Variants in ROR2 observed in about 807,000 individuals in gnomAD.
ROR2 encodes the protein tyrosine-protein kinase transmembrane receptor ROR2.
ROR2 carries 33 observed loss-of-function variants against 74.9 expected under a neutral mutation model. That is an observed-to-expected ratio of 0.44 (90% confidence interval 0.33 to 0.59). The LOEUF (loss-of-function observed/expected upper bound fraction) is 0.59, where lower values mean the gene tolerates loss of function less well. Among genes scored for constraint, ROR2 ranks in the 20% least tolerant of loss-of-function variants. ROR2 has a pLI of 0.02. For missense variants in ROR2, 1,216 were observed against 1,313.8 expected, an observed-to-expected ratio of 0.93 and a Z score of 1.15; for synonymous variants, 586 against 558.7, an observed-to-expected ratio of 1.05 and a Z score of -0.69.
At chr9:91,937,503 C>G (rs1290387900) in intron 1 of ROR2, among the ~76,000 whole-genome samples, 3 of 152,050 alleles carry the variant, frequency 2.0e-5, no homozygotes, top group Non-Finnish European at 4.4e-5. Context: ...CCACAGCCTA[C>G]TCAATAAGCT....
chr9:91,756,538 G>A (rs915952635), intron 3 of ROR2, among the ~76,000 whole-genome samples: 1 of 151,760 alleles, frequency 6.6e-6, no homozygotes, highest in African/African-American at 2.4e-5. Flanking sequence ...TCTGGTCATC[G>A]CACTCAGCTC....
chr9:91,749,360 G>C (rs1372831152), intron 4 of ROR2, among the ~76,000 whole-genome samples: 1 of 152,144 alleles, frequency 6.6e-6, no homozygotes, highest in Non-Finnish European at 1.5e-5. Flanking sequence ...CCTGGTGGGG[G>C]TTCTCCTCCT....
At chr9:91,760,994 T>C (rs558544375) in intron 2 of ROR2, among the ~76,000 whole-genome samples, 3 of 152,350 alleles carry the variant, frequency 2.0e-5, no homozygotes, top group South Asian at 4.1e-4. Context: ...AACTATTAGA[T>C]AGCAATCATC....
chr9:91,851,846 C>T (rs538897340), intron 1 of ROR2, among the ~76,000 whole-genome samples: 3 of 151,802 alleles, frequency 2.0e-5, no homozygotes, highest in East Asian at 1.9e-4. Flanking sequence ...TGTGGTAGTG[C>T]GCGCCTGTAA....
chr9:91,788,860 CAAA>C (rs60152648), intron 1 of ROR2, among the ~76,000 whole-genome samples: 15 of 86,804 alleles, frequency 1.7e-4, no homozygotes, highest in Admixed American at 5.4e-4. Context: ...GACTCTGTCT[CAAA>C]AAAAAAAAAA....
At chr9:91,870,321 T>G (rs568820495) in intron 1 of ROR2, among the ~76,000 whole-genome samples, 13 of 152,272 alleles carry the variant, frequency 8.5e-5, no homozygotes, top group Non-Finnish European at 1.5e-4. Flanking sequence ...GCCTACAGCC[T>G]GTATTTTAGA....
chr9:91,759,070 CTTTCT>C (rs2118858701), intron 2 of ROR2, among the ~76,000 whole-genome samples: 1 of 152,348 alleles, frequency 6.6e-6, no homozygotes, highest in African/African-American at 2.4e-5. Flanking sequence ...GGCCTTGATC[CTTTCT>C]TTTCAAGTGA....
chr9:91,806,970 C>T (rs1393960164), intron 1 of ROR2, among the ~76,000 whole-genome samples: 2 of 152,168 alleles, frequency 1.3e-5, no homozygotes, highest in Non-Finnish European at 2.9e-5. Context: ...CAGAAGCAGA[C>T]TTGGGAAACA....
Position 91,757,329 on chromosome 9 carries a change from C to G in ROR2, c.406G>C (p.Val136Leu). ...DTTDTGYYQC[V>L]ATNGMKTITA... ...ATGGTCTTCATCCCGTTGGTGGCCA[C>G]GCACTGGTAGTAGCCAGTGTCTGTC... The change falls in exon 3 of 9, where the codon GTG becomes CTG. Residue 136 changes from valine to leucine, a missense_variant. Val to Leu is a conservative substitution (Grantham distance 32, BLOSUM62 1). Coordinates refer to ENST00000375708, the MANE Select transcript of ROR2 (RefSeq NM_004560.4). The G allele has an allele frequency of 2.5e-6, 4 of 1,613,976 alleles. No individual in the cohort carries two copies. The highest frequency in any genetic ancestry group is 3.4e-6 in the Non-Finnish European group (4 of 1,180,018).
chr9:91,734,641 C>T (rs939708305), intron 5 of ROR2, among the ~76,000 whole-genome samples: 11 of 152,122 alleles, frequency 7.2e-5, no homozygotes, highest in African/African-American at 2.7e-4. Context: ...CAGCCTTGTG[C>T]GTGATCACTT....
intron 2 of ROR2, among the ~76,000 whole-genome samples, chr9:91,773,046 T>C (rs1752262028): frequency 6.6e-6 from 1 of 152,148 alleles, no homozygotes; most frequent in African/African-American, 2.4e-5. Flanking sequence ...TATGCAGCTG[T>C]TTCTGCCTCG....
intron 1 of ROR2, among the ~76,000 whole-genome samples, chr9:91,850,069 T>C (rs1466765397): frequency 6.6e-6 from 1 of 152,238 alleles, no homozygotes; most frequent in African/African-American, 2.4e-5. Flanking sequence ...GAGCTCAGTA[T>C]GTCTGGAAGG....
intron 1 of ROR2, among the ~76,000 whole-genome samples, chr9:91,783,918 T>C (rs1826708105): frequency 6.6e-6 from 1 of 152,126 alleles, no homozygotes; most frequent in South Asian, 2.1e-4. Flanking sequence ...TCCCCAGTCC[T>C]CTGAATGGAA....
intron 4 of ROR2, among the ~76,000 whole-genome samples, chr9:91,747,319 T>C (rs1232785750): frequency 6.6e-6 from 1 of 152,180 alleles, no homozygotes. Flanking sequence ...TTCAAGGATA[T>C]CCACCTCCCT....
rs148920910 is a variant in ROR2 at position 91,829,676 on chromosome 9, G to A, written c.98-53858C>T. Among the ~76,000 whole-genome samples the A allele has an allele frequency of 9.7e-3, 1,478 of 152,056 alleles. 17 individuals are homozygous for A. The highest frequency in any genetic ancestry group is 0.021 in the Middle Eastern group (6 of 290). ...AAGTTGTAAATAACTAGAGCAGGGA[G>A]CAATGAAATGAAGGCACAGTCATAT... On this transcript the variant is annotated intron_variant, in intron 1 of 8. Coordinates refer to ENST00000375708, the MANE Select transcript of ROR2 (RefSeq NM_004560.4).
intron 3 of ROR2, among the ~76,000 whole-genome samples, chr9:91,756,817 C>T (rs1447436934): frequency 1.4e-5 from 2 of 138,452 alleles, no homozygotes; most frequent in Non-Finnish European, 3.1e-5. Flanking sequence ...ATGGCGTGAT[C>T]TCGGCTCACT....
rs1825233261 is a variant in ROR2, at chr9:91,741,304, G to GAA, written c.495-3787_495-3786insTT. Among the ~76,000 whole-genome samples, 14 of 135,608 alleles carry GAA rather than the reference G, an allele frequency of 1.0e-4. No individual in the cohort carries two copies. The South Asian group carries it at 3.4e-3, about 33-fold the overall frequency. 89.0% of individuals were successfully genotyped at this position (135,608 alleles called of 152,430 possible). On this transcript the variant is annotated intron_variant, in intron 4 of 8. Transcript: ENST00000375708. ...ACAGAGCAAGACTCTGTCTCAAGTA[G>GAA]TAATAATAATAATAATAATAATAAT...
chr9:91,820,849 C>G (rs1324373793), intron 1 of ROR2, among the ~76,000 whole-genome samples: 1 of 152,130 alleles, frequency 6.6e-6, no homozygotes. Context: ...TCACTGTAAT[C>G]CCAGCGCTTT....
intron 4 of ROR2, among the ~76,000 whole-genome samples, chr9:91,752,137 A>C (rs1825612379): frequency 6.6e-6 from 1 of 152,250 alleles, no homozygotes; most frequent in Non-Finnish European, 1.5e-5. Context: ...AGTCTCCCAC[A>C]CTGTGGGTGG....
Sources: gnomAD v4.1 joint callset for allele counts (sites outside exome capture counted in the v4.1 genomes callset) on GRCh38, gnomAD v4.1.1 for gene constraint, MANE v1.5 for transcripts, NCBI Gene and HGNC (gene_info 2026-07-23, HGNC 2026-07-21) for gene names.